The following GNAQ variants were observed in gnomAD, a reference collection of about 807,000 sequenced individuals.
GNAQ encodes the protein guanine nucleotide-binding protein G(q) subunit alpha.
GNAQ carries 8 observed loss-of-function variants against 43.9 expected under a neutral mutation model. The observed-to-expected ratio is 0.18, with a 90% CI of 0.11 to 0.33. The LOEUF is 0.33. Ranked by LOEUF, GNAQ falls within the 10% of genes least tolerant of loss-of-function variation. The pLI is 1.00. For synonymous variants in GNAQ, 155 were observed against 170.7 expected (o/e 0.91, Z 0.71); for missense variants, 158 against 450.8 (o/e 0.35, Z 5.88).
chr9:78,030,702 G>T (rs1025316370), intron 1 of GNAQ: 6 of 379,182 alleles, frequency 1.6e-5, no homozygotes, highest in Admixed American at 1.3e-4. Context: ...CCCATGGGGT[G>T]CCGCGGCCAC....
chr9:77,893,972 TTC>T (rs1319581892), intron 2 of GNAQ, among the ~76,000 whole-genome samples: 1 of 152,088 alleles, frequency 6.6e-6, no homozygotes, highest in Non-Finnish European at 1.5e-5. Flanking sequence ...GAAATACATT[TTC>T]TCTGAGATGA....
At chr9:77,814,416 AG>A (rs1826979329) in intron 3 of GNAQ, among the ~76,000 whole-genome samples, 1 of 152,184 alleles carries the variant, frequency 6.6e-6, no homozygotes, top group Non-Finnish European at 1.5e-5. Context: ...GAGGCACACA[AG>A]GGGGTTAATG....
Position 77,728,539 on chromosome 9 carries a change from T to C in GNAQ, c.864A>G (p.Leu288=). Residue 288 remains leucine (L), a synonymous_variant, in exon 6 of 7, where the codon CTA becomes CTG. Transcript: ENST00000286548. ...LLEEKIMYSH[L]VDYFPEYDGP... is the part of the protein sequence containing the mutation. ...CATCATATTCTGGGAAGTAGTCGAC[T>C]AGATGGGAATACATGATTTTCTCCT... 1.2e-6 allele frequency: 2 copies of C among 1,604,460 alleles called. No homozygotes were observed. Among genetic ancestry groups the C allele is most frequent in the East Asian group, 4.5e-5 (2 of 44,830 alleles).
intron 2 of GNAQ, among the ~76,000 whole-genome samples, chr9:77,876,236 G>A (rs1035565398): frequency 6.6e-6 from 1 of 152,138 alleles, no homozygotes; most frequent in African/African-American, 2.4e-5. Flanking sequence ...TTTCCCGGAG[G>A]AGCTGTCTCC....
intron 5 of GNAQ, among the ~76,000 whole-genome samples, chr9:77,767,705 C>T (rs1003343204): frequency 6.6e-6 from 1 of 152,178 alleles, no homozygotes; most frequent in Non-Finnish European, 1.5e-5. Flanking sequence ...GATAAAACTA[C>T]TTAAAGAATA....
At chr9:77,988,006 T>A (rs921477974) in intron 1 of GNAQ, among the ~76,000 whole-genome samples, 1 of 152,178 alleles carries the variant, frequency 6.6e-6, no homozygotes, top group Non-Finnish European at 1.5e-5. Flanking sequence ...GAGACGGGAA[T>A]GAGCTATGCT....
intron 1 of GNAQ, among the ~76,000 whole-genome samples, chr9:77,924,205 A>G (rs1419336362): frequency 1.3e-5 from 2 of 152,240 alleles, no homozygotes; most frequent in African/African-American, 2.4e-5. Context: ...TGAGTATTTT[A>G]TAATCCCAAC....
chr9:77,928,208 T>TA (rs1587414942), intron 1 of GNAQ, among the ~76,000 whole-genome samples: 1 of 152,228 alleles, frequency 6.6e-6, no homozygotes. Flanking sequence ...TTCCTCTACT[T>TA]AGATTAAAAT....
intron 1 of GNAQ, among the ~76,000 whole-genome samples, chr9:77,937,736 T>C (rs551699977): frequency 2.0e-5 from 3 of 150,958 alleles, no homozygotes; most frequent in African/African-American, 7.3e-5. Flanking sequence ...CTACTAAAAA[T>C]ACAAAATCAG....
chr9:77,797,452 T>G, intron 4 of GNAQ, 68 bp downstream of exon 4: 1 of 1,172,660 alleles, frequency 8.5e-7, no homozygotes, highest in Non-Finnish European at 1.3e-6. Context: ...TTCCAGTATT[T>G]ATAGAGTTTA....
intron 5 of GNAQ, among the ~76,000 whole-genome samples, chr9:77,781,220 T>C (rs1188148461): frequency 3.9e-5 from 6 of 152,078 alleles, no homozygotes. Flanking sequence ...TCTAGCAGTT[T>C]TGTGTCTTAT....
At chr9:77,975,785 C>A (rs1193620100) in intron 1 of GNAQ, among the ~76,000 whole-genome samples, 1 of 152,186 alleles carries the variant, frequency 6.6e-6, no homozygotes, top group Non-Finnish European at 1.5e-5. Flanking sequence ...ATCCACCCGC[C>A]TCAGCCTCCC....
intron 2 of GNAQ, among the ~76,000 whole-genome samples, chr9:77,862,061 C>G (rs1381187588): frequency 6.7e-6 from 1 of 149,776 alleles, no homozygotes; most frequent in African/African-American, 2.5e-5. Context: ...TTGGACAGTT[C>G]TGCCGTTCTG....
At chr9:78,010,712 C>T (rs542440611) in intron 1 of GNAQ, among the ~76,000 whole-genome samples, 55 of 152,142 alleles carry the variant, frequency 3.6e-4, no homozygotes, top group African/African-American at 1.3e-3. Context: ...ACCTTATCTA[C>T]ATTAATAATA....
Position 78,031,305 on chromosome 9 carries a change from C to G in GNAQ, c.-70G>C. 1 of 1,229,662 alleles carries G rather than the reference C, an allele frequency of 8.1e-7. No homozygotes were observed. Among genetic ancestry groups the G allele is most frequent in the Non-Finnish European group, 1.0e-6 (1 of 953,500 alleles). 76.2% of individuals were successfully genotyped at this position (1,229,662 alleles called of 1,614,324 possible). A position where few individuals can be genotyped will look rare whatever the true frequency, so the allele number is the denominator to read the frequency against. On this transcript the variant is annotated 5_prime_UTR_variant, in exon 1 of 7. Transcript: ENST00000286548. ...CACAGCGCGCACACACACCCTCCCG[C>G]CCTCGCTCCCCCGAGGCAGCGGTGG...
At chr9:77,970,908 A>C (rs938609471) in intron 1 of GNAQ, among the ~76,000 whole-genome samples, 1 of 152,188 alleles carries the variant, frequency 6.6e-6, no homozygotes, top group African/African-American at 2.4e-5. Flanking sequence ...AAAAGAGAGA[A>C]GAACCAAATC....
At chr9:77,766,478 C>T (rs577418437) in intron 5 of GNAQ, among the ~76,000 whole-genome samples, 1 of 152,106 alleles carries the variant, frequency 6.6e-6, no homozygotes, top group East Asian at 1.9e-4. Flanking sequence ...CTCCTTTGTC[C>T]CTTGTGATTT....
chr9:77,746,238 G>T (rs184373440), intron 5 of GNAQ, among the ~76,000 whole-genome samples: 2 of 152,154 alleles, frequency 1.3e-5, no homozygotes, highest in Non-Finnish European at 2.9e-5. Flanking sequence ...GAAAGCTACA[G>T]AAGGATATGT....
At position 78,031,450 on chromosome 9, in the gene GNAQ, G is replaced by T; in HGVS notation, c.-215C>A. ...GGGGCGCGGTGGGAGCGGATAGTCT[G>T]GGCCGACGGGAGAAGAGAGGCGGGC... On this transcript the variant is annotated 5_prime_UTR_variant, in exon 1 of 7. Coordinates refer to ENST00000286548, the MANE Select transcript of GNAQ (RefSeq NM_002072.5). 4.9e-6 allele frequency: 1 copy of T among 204,214 alleles called. No homozygotes were observed. Among genetic ancestry groups the T allele is most frequent in the Non-Finnish European group, 9.8e-6 (1 of 101,982 alleles). 12.7% of individuals were successfully genotyped at this position (204,214 alleles called of 1,614,324 possible).
Sources: allele counts gnomAD v4.1 joint callset (sites outside exome capture counted in the v4.1 genomes callset), GRCh38; gene constraint gnomAD v4.1.1; transcripts MANE v1.5; gene names NCBI Gene and HGNC (gene_info 2026-07-23, HGNC 2026-07-21).